Variants in PTPN11 observed in about 807,000 individuals in gnomAD.
PTPN11 encodes protein tyrosine phosphatase non-receptor type 11, also known as tyrosine-protein phosphatase non-receptor type 11.
PTPN11 carries 6 observed loss-of-function variants against 78.8 expected under a neutral mutation model. The ratio of observed to expected loss-of-function variants is 0.08; its 90% CI spans 0.04 to 0.15. The LOEUF (loss-of-function observed/expected upper bound fraction) is 0.15. PTPN11 is among the 10% of genes least tolerant of loss of function. The pLI is 1.00. For missense variants in PTPN11, 386 were observed against 744.8 expected (o/e 0.52, Z 5.61); for synonymous variants, 221 against 263.5 (o/e 0.84, Z 1.56).
intron 13 of PTPN11, among the ~76,000 whole-genome samples, chr12:112,492,311 T>C (rs2038756057): frequency 1.3e-5 from 2 of 152,124 alleles, no homozygotes; most frequent in South Asian, 4.1e-4. Flanking sequence ...TTGTCCACCG[T>C]AAAGTTACTT....
Position 112,425,000 on chromosome 12 carries a change from G to A in PTPN11, c.14+5875G>A, listed in dbSNP as rs924892381. Among the ~76,000 whole-genome samples, 524 of 146,190 alleles carry A rather than the reference G, an allele frequency of 3.6e-3. 9 individuals carry two copies. Among genetic ancestry groups the A allele is most frequent in the African/African-American group, 0.013 (485 of 38,766 alleles). On this transcript the variant is annotated intron_variant, in intron 1 of 15. Transcript: ENST00000351677. ...TGTGTGTGTGTGTGTGTGTGTGTGT[G>A]TGTGTGTGTATGTAGAGATGGGGTT...
At chr12:112,472,657 T>C (rs2038437224) in intron 6 of PTPN11, among the ~76,000 whole-genome samples, 1 of 151,866 alleles carries the variant, frequency 6.6e-6, no homozygotes, top group African/African-American at 2.4e-5. Flanking sequence ...CAGGTGCCCA[T>C]GTCTGGCTAA....
In PTPN11 at chr12:112,477,975, G is replaced by C. The variant is rs397507534; in HGVS notation, c.1052G>C (p.Arg351Pro). Residue 351 changes from arginine (R) to proline (P), a missense_variant, in exon 9 of 16, where the codon CGA becomes CCA. Arg to Pro is a moderately radical substitution (Grantham distance 103). This residue lies in a region of PTPN11 where 279 missense variants were observed against 503.3 expected (regional missense o/e 0.55). Transcript: ENST00000351677. ...FWRMVFQENS[R>P]VIVMTTKEVE... ...CGGATGGTGTTCCAAGAAAACTCCCGAGTGATTGTCATGACAACGAAAGAA... is the reference window on the plus strand; with the variant it reads ...CGGATGGTGTTCCAAGAAAACTCCCCAGTGATTGTCATGACAACGAAAGAA... 1 of 1,614,096 alleles carries C rather than the reference G, an allele frequency of 6.2e-7. No homozygotes were observed. Among genetic ancestry groups the C allele is most frequent in the Non-Finnish European group, 8.5e-7 (1 of 1,180,006 alleles).
intron 1 of PTPN11, among the ~76,000 whole-genome samples, chr12:112,439,173 A>C (rs1433863323): frequency 6.6e-6 from 1 of 152,188 alleles, no homozygotes; most frequent in East Asian, 1.9e-4. Context: ...AGACCAAGAC[A>C]ATCTGGCACC....
In PTPN11 at chr12:112,506,241, G is replaced by C. The variant is rs1375688204; in HGVS notation, c.*449G>C. The C allele has an allele frequency of 1.3e-5, 2 of 151,962 alleles. No individual in the cohort carries two copies. The highest frequency in any genetic ancestry group is 2.4e-5 in the African/African-American group (1 of 41,352). 9.4% of individuals were successfully genotyped at this position (151,962 alleles called of 1,614,324 possible). A position where few individuals can be genotyped will look rare whatever the true frequency, so the allele number is the denominator to read the frequency against. ...TGATTTGGGAAAATTAAGTAACAACGACCTAGAAAAGTGAGAACAATCTCA... is the reference window on the plus strand; with the variant it reads ...TGATTTGGGAAAATTAAGTAACAACCACCTAGAAAAGTGAGAACAATCTCA... On this transcript the variant is annotated 3_prime_UTR_variant, in exon 16 of 16. Coordinates refer to ENST00000351677, the MANE Select transcript of PTPN11 (RefSeq NM_002834.5).
intron 10 of PTPN11, among the ~76,000 whole-genome samples, chr12:112,485,384 T>G (rs1279697434): frequency 6.6e-6 from 1 of 152,220 alleles, no homozygotes; most frequent in Non-Finnish European, 1.5e-5. Flanking sequence ...TTCTGTAGCC[T>G]TGGTGCCATT....
At chr12:112,428,363 G>C (rs992713883) in intron 1 of PTPN11, among the ~76,000 whole-genome samples, 1 of 149,094 alleles carries the variant, frequency 6.7e-6, no homozygotes, top group Non-Finnish European at 1.5e-5. Flanking sequence ...AATTATGCTA[G>C]GTGTGAGATG....
rs2038969619 is a variant in PTPN11 at position 112,509,049 on chromosome 12, A to G, written c.*3257A>G. 1 of 152,242 alleles carries G rather than the reference A, an allele frequency of 6.6e-6. No individual in the cohort carries two copies. Among genetic ancestry groups the G allele is most frequent in the East Asian group, 1.9e-4 (1 of 5,202 alleles). 9.4% of individuals were successfully genotyped at this position (152,242 alleles called of 1,614,324 possible). A position where few individuals can be genotyped will look rare whatever the true frequency, so the allele number is the denominator to read the frequency against. Reference sequence around the variant, plus strand: ...AGCTTAGTATCCATAAGGGAAACTTAGACTATAGACATAACTACAAAGCCA... The same window carrying G: ...AGCTTAGTATCCATAAGGGAAACTTGGACTATAGACATAACTACAAAGCCA... On this transcript the variant is annotated 3_prime_UTR_variant, in exon 16 of 16. Transcript: ENST00000351677.
chr12:112,426,182 A>G (rs1220985472), intron 1 of PTPN11, among the ~76,000 whole-genome samples: 1 of 152,236 alleles, frequency 6.6e-6, no homozygotes, highest in African/African-American at 2.4e-5. Context: ...CCCTAGCCTC[A>G]AAGAGTAAAG....
intron 10 of PTPN11, among the ~76,000 whole-genome samples, chr12:112,484,683 G>T (rs1183719750): frequency 6.6e-6 from 1 of 152,120 alleles, no homozygotes; most frequent in African/African-American, 2.4e-5. Context: ...TGAATCTATG[G>T]TAGAGATAGT....
intron 1 of PTPN11, 130 bp downstream of exon 1, chr12:112,419,255 C>G (rs1020095397): frequency 2.2e-6 from 2 of 911,244 alleles, no homozygotes; most frequent in Admixed American, 8.8e-5. Flanking sequence ...GGGGCCGGTT[C>G]CCTCCTCGTC....
intron 13 of PTPN11, among the ~76,000 whole-genome samples, chr12:112,491,339 G>A (rs1489113722): frequency 1.3e-5 from 2 of 149,524 alleles, no homozygotes; most frequent in Non-Finnish European, 3.0e-5. Context: ...CAGCTTTCCT[G>A]ACTGTTAACT....
In PTPN11 at chr12:112,482,496, A is replaced by G. The variant is rs896320125; in HGVS notation, c.1224+291A>G. ...AGGCCTGTAATCCCAGCACTTTGGG[A>G]GGCTGAGGTGGGTGGATCGCTTGAG... On this transcript the variant is annotated intron_variant, in intron 10 of 15. Transcript: ENST00000351677. The surrounding 1 kb of genome is among the most constrained non-coding windows in gnomAD (Gnocchi z 4.4). Among the ~76,000 whole-genome samples the G allele has an allele frequency of 2.0e-5, 3 of 152,120 alleles. No homozygotes were observed. Among genetic ancestry groups the G allele is most frequent in the African/African-American group, 7.2e-5 (3 of 41,438 alleles).
At chr12:112,498,349 A>G (rs548427918) in intron 13 of PTPN11, among the ~76,000 whole-genome samples, 3 of 152,266 alleles carry the variant, frequency 2.0e-5, no homozygotes, top group South Asian at 4.1e-4. Context: ...GCAAAATTTC[A>G]TGATTGGATA....
intron 1 of PTPN11, among the ~76,000 whole-genome samples, chr12:112,445,363 G>A (rs891568524): frequency 6.6e-6 from 1 of 152,012 alleles, no homozygotes; most frequent in Admixed American, 6.6e-5. Flanking sequence ...AACTCCTGAC[G>A]TCAAGTGATC....
At chr12:112,486,775 C>T (rs2038684625) in intron 11 of PTPN11, 146 bp downstream of exon 11, 2 of 1,503,166 alleles carry the variant, frequency 1.3e-6, no homozygotes, top group Non-Finnish European at 1.8e-6. Flanking sequence ...CATTGAGGGA[C>T]ATTTTGATCC....
intron 14 of PTPN11, 26 bp downstream of exon 14, chr12:112,502,282 T>C: frequency 6.4e-7 from 1 of 1,568,514 alleles, no homozygotes. Flanking sequence ...GGAAATTCTT[T>C]TTACCTGGTC....
chr12:112,443,331 C>G (rs544953109), intron 1 of PTPN11, among the ~76,000 whole-genome samples: 2 of 151,508 alleles, frequency 1.3e-5, no homozygotes, highest in Non-Finnish European at 2.9e-5. Flanking sequence ...TTCTTTGCAT[C>G]CCGCCAAACT....
intron 9 of PTPN11, 130 bp downstream of exon 9, chr12:112,478,145 G>T: frequency 9.3e-7 from 1 of 1,073,476 alleles, no homozygotes; most frequent in Non-Finnish European, 1.4e-6. Flanking sequence ...AAGGGACTAG[G>T]AGAAATTTGA....
Sources: gnomAD v4.1 joint callset for allele counts (sites outside exome capture counted in the v4.1 genomes callset) on GRCh38, gnomAD v4.1.1 for gene constraint, gnomAD v4.1.1 regional missense constraint, Gnocchi (gnomAD v3.1) non-coding constraint, MANE v1.5 for transcripts, NCBI Gene and HGNC (gene_info 2026-07-23, HGNC 2026-07-21) for gene names.